The following TMEFF2 variants were observed in gnomAD, a reference collection of about 807,000 sequenced individuals.
TMEFF2 encodes transmembrane protein with EGF like and two follistatin like domains 2.
A neutral mutation model predicts 53.8 loss-of-function variants in TMEFF2; 28 were observed. The ratio of observed to expected loss-of-function variants is 0.52; its 90% CI spans 0.39 to 0.71. The LOEUF (loss-of-function observed/expected upper bound fraction) is 0.71. TMEFF2 is among the 30% of genes least tolerant of loss of function. TMEFF2 has a pLI of 0.00. For synonymous variants in TMEFF2, 162 were observed against 166.3 expected, an observed-to-expected ratio of 0.97 and a Z score of 0.20; for missense variants, 353 against 455.2, an observed-to-expected ratio of 0.78 and a Z score of 2.04.
chr2:191,983,911 C>T (rs1006028253), intron 7 of TMEFF2, among the ~76,000 whole-genome samples: 2 of 152,106 alleles, frequency 1.3e-5, no homozygotes, highest in African/African-American at 4.8e-5. Context: ...CTTTTCTTTT[C>T]CAAGAATAAT....
intron 4 of TMEFF2, among the ~76,000 whole-genome samples, chr2:192,087,846 T>C (rs1005536453): frequency 5.9e-5 from 9 of 152,158 alleles, no homozygotes; most frequent in Admixed American, 3.3e-4. Flanking sequence ...CATAATATTA[T>C]ATATTTTGGC....
At chr2:192,041,068 C>A (rs1339490572) in intron 5 of TMEFF2, among the ~76,000 whole-genome samples, 1 of 152,034 alleles carries the variant, frequency 6.6e-6, no homozygotes, top group East Asian at 1.9e-4. Context: ...TTGAGCAAAA[C>A]CTTCTTAGAT....
chr2:192,005,497 C>T (rs1686477953), intron 5 of TMEFF2, among the ~76,000 whole-genome samples: 1 of 152,188 alleles, frequency 6.6e-6, no homozygotes, highest in Non-Finnish European at 1.5e-5. Flanking sequence ...ATCTATTAAA[C>T]ATGGCTGTCA....
At chr2:192,028,999 GA>G (rs1253538411) in intron 5 of TMEFF2, 2 of 152,110 alleles carry the variant, frequency 1.3e-5, no homozygotes, top group Non-Finnish European at 2.9e-5. Context: ...CCTGCTTTTT[GA>G]ACTAGGGACT....
At chr2:192,191,450 G>A (rs1417269435) in intron 2 of TMEFF2, among the ~76,000 whole-genome samples, 2 of 152,048 alleles carry the variant, frequency 1.3e-5, no homozygotes, top group Non-Finnish European at 2.9e-5. Flanking sequence ...ACCTAGTCAG[G>A]TTGCAAGGAT....
intron 4 of TMEFF2, among the ~76,000 whole-genome samples, chr2:192,154,837 G>A (rs1333938505): frequency 6.6e-6 from 1 of 151,776 alleles, no homozygotes; most frequent in Non-Finnish European, 1.5e-5. Flanking sequence ...CTTCTTGCCT[G>A]CTTCTCATCC....
At chr2:192,147,152 A>G (rs541859946) in intron 4 of TMEFF2, among the ~76,000 whole-genome samples, 2 of 152,026 alleles carry the variant, frequency 1.3e-5, no homozygotes, top group Non-Finnish European at 2.9e-5. Context: ...TCATAAGAAG[A>G]AACAGGAACT....
At chr2:192,188,825 T>TTCTATCTA (rs34743733) in intron 2 of TMEFF2, among the ~76,000 whole-genome samples, 1 of 31,282 alleles carries the variant, frequency 3.2e-5, no homozygotes, top group Non-Finnish European at 7.4e-5. Context: ...CTCCCCGCTT[T>TTCTATCTA]TCTATCTATC....
chr2:192,175,294 T>C (rs1691011220), intron 4 of TMEFF2, among the ~76,000 whole-genome samples: 1 of 151,730 alleles, frequency 6.6e-6, no homozygotes, highest in Admixed American at 6.6e-5. Flanking sequence ...TTTTTAGCAG[T>C]TCACATAATC....
chr2:192,159,289 G>A (rs914560155), intron 4 of TMEFF2, among the ~76,000 whole-genome samples: 3 of 152,102 alleles, frequency 2.0e-5, no homozygotes, highest in African/African-American at 7.2e-5. Context: ...GATCAAGGCC[G>A]AAGGATAGCA....
intron 4 of TMEFF2, among the ~76,000 whole-genome samples, chr2:192,113,537 G>A (rs1411570481): frequency 6.6e-6 from 1 of 151,960 alleles, no homozygotes; most frequent in Non-Finnish European, 1.5e-5. Flanking sequence ...TCTTTTCTCT[G>A]CATAGAAATA....
At chr2:192,030,057 G>A (rs139889914) in intron 5 of TMEFF2, among the ~76,000 whole-genome samples, 212 of 152,270 alleles carry the variant, frequency 1.4e-3, no homozygotes, top group Non-Finnish European at 2.4e-3. Context: ...GAGACAAACC[G>A]ATCTAGGGCA....
intron 4 of TMEFF2, among the ~76,000 whole-genome samples, chr2:192,159,395 C>T (rs1292608468): frequency 6.6e-6 from 1 of 152,104 alleles, no homozygotes; most frequent in Admixed American, 6.6e-5. Context: ...CAGATTGGCT[C>T]ATTAAAATAT....
chr2:192,026,821 CA>C (rs1426368097), intron 5 of TMEFF2, among the ~76,000 whole-genome samples: 3 of 152,182 alleles, frequency 2.0e-5, no homozygotes, highest in Non-Finnish European at 4.4e-5. Context: ...CTTAGATCTA[CA>C]AAGACTTCTG....
intron 4 of TMEFF2, among the ~76,000 whole-genome samples, chr2:192,091,363 T>G (rs1195234520): frequency 6.6e-6 from 1 of 152,126 alleles, no homozygotes; most frequent in Non-Finnish European, 1.5e-5. Flanking sequence ...TGAACAGTTA[T>G]GCTCAATACC....
chr2:191,976,497 A>C (rs952441564), intron 7 of TMEFF2, among the ~76,000 whole-genome samples: 6 of 152,224 alleles, frequency 3.9e-5, no homozygotes, highest in Non-Finnish European at 7.3e-5. Context: ...TTTTTATGGG[A>C]TATCCATCTG....
At chr2:192,132,055 C>A (rs1689847986) in intron 4 of TMEFF2, among the ~76,000 whole-genome samples, 1 of 152,118 alleles carries the variant, frequency 6.6e-6, no homozygotes, top group Admixed American at 6.5e-5. Context: ...CCAAGCGTCA[C>A]TGAGTCTTTC....
At chr2:191,959,280 G>A (rs761838932) in intron 7 of TMEFF2, among the ~76,000 whole-genome samples, 4 of 152,158 alleles carry the variant, frequency 2.6e-5, no homozygotes, top group African/African-American at 9.7e-5. Context: ...CTAGTTTCCT[G>A]TTTAAATGTT....
At chr2:192,042,467 T>C (rs1210280655) in intron 5 of TMEFF2, among the ~76,000 whole-genome samples, 1 of 151,998 alleles carries the variant, frequency 6.6e-6, no homozygotes, top group Non-Finnish European at 1.5e-5. Flanking sequence ...CACCTAAAAG[T>C]GTGATAGGAA....
Sources: gnomAD v4.1 joint callset for allele counts (sites outside exome capture counted in the v4.1 genomes callset) on GRCh38, gnomAD v4.1.1 for gene constraint, MANE v1.5 for transcripts, NCBI Gene and HGNC (gene_info 2026-07-23, HGNC 2026-07-21) for gene names.